NXPH2: variants seen among roughly 807,000 people sequenced by gnomAD.
The protein encoded by NXPH2 is neurexophilin 2.
NXPH2 carries 5 observed loss-of-function variants against 19.8 expected under a neutral mutation model. The observed-to-expected ratio is 0.25, with a 90% CI of 0.13 to 0.53. The LOEUF is 0.53. Among genes scored for constraint, NXPH2 ranks in the 20% least tolerant of loss-of-function variants. NXPH2 has a pLI of 0.96. For missense variants in NXPH2, 289 were observed against 322.8 expected (o/e 0.90, Z 0.80); for synonymous variants, 154 against 127.4 (o/e 1.21, Z -1.41).
intron 1 of NXPH2, among the ~76,000 whole-genome samples, chr2:138,751,036 C>A (rs1295832651): frequency 1.3e-5 from 2 of 150,582 alleles, no homozygotes; most frequent in Non-Finnish European, 3.0e-5. Flanking sequence ...CCACCCCCAC[C>A]CCCATCTCTT....
chr2:138,765,684 T>C (rs1044860231), intron 1 of NXPH2, among the ~76,000 whole-genome samples: 2 of 151,996 alleles, frequency 1.3e-5, no homozygotes, highest in African/African-American at 2.4e-5. Flanking sequence ...CTGTAAGCTG[T>C]TTTTTATCTC....
chr2:138,759,851 T>A (rs1448993671), intron 1 of NXPH2, among the ~76,000 whole-genome samples: 1 of 150,436 alleles, frequency 6.6e-6, no homozygotes, highest in Admixed American at 6.7e-5. Flanking sequence ...TGCCTCAGCC[T>A]CCCGCTTAGC....
intron 1 of NXPH2, among the ~76,000 whole-genome samples, chr2:138,766,396 G>GTT (rs1180054034): frequency 6.6e-6 from 1 of 152,176 alleles, no homozygotes; most frequent in Non-Finnish European, 1.5e-5. Context: ...CAACTGGGCT[G>GTT]TTTTTGCTCC....
intron 1 of NXPH2, among the ~76,000 whole-genome samples, chr2:138,765,458 C>G (rs1300834724): frequency 6.6e-6 from 1 of 152,166 alleles, no homozygotes; most frequent in Non-Finnish European, 1.5e-5. Flanking sequence ...TAACATGCAA[C>G]TCTCATAGGG....
At chr2:138,692,868 T>C (rs1034864308) in intron 1 of NXPH2, among the ~76,000 whole-genome samples, 4 of 152,190 alleles carry the variant, frequency 2.6e-5, no homozygotes, top group African/African-American at 9.7e-5. Context: ...ATTCTTATAC[T>C]CTGTCTCGAA....
chr2:138,700,964 G>T (rs1680912728), intron 1 of NXPH2, among the ~76,000 whole-genome samples: 1 of 152,078 alleles, frequency 6.6e-6, no homozygotes, highest in African/African-American at 2.4e-5. Flanking sequence ...TGAAAGAGAT[G>T]TAGAGAACGG....
At chr2:138,752,531 T>C (rs940595498) in intron 1 of NXPH2, among the ~76,000 whole-genome samples, 1 of 152,182 alleles carries the variant, frequency 6.6e-6, no homozygotes, top group African/African-American at 2.4e-5. Context: ...AGTTCCCATA[T>C]ACATCACACC....
intron 1 of NXPH2, among the ~76,000 whole-genome samples, chr2:138,680,246 A>G (rs1680552873): frequency 6.6e-6 from 1 of 152,166 alleles, no homozygotes; most frequent in South Asian, 2.1e-4. Flanking sequence ...AAATGGTGAA[A>G]AGCACAAGAT....
intron 1 of NXPH2, among the ~76,000 whole-genome samples, chr2:138,722,474 G>A (rs1681297289): frequency 6.6e-6 from 1 of 152,202 alleles, no homozygotes; most frequent in Non-Finnish European, 1.5e-5. Context: ...CAAGCGTCCA[G>A]GCCAGGATCT....
chr2:138,761,704 A>G (rs1001291344), intron 1 of NXPH2, among the ~76,000 whole-genome samples: 1 of 152,236 alleles, frequency 6.6e-6, no homozygotes, highest in Non-Finnish European at 1.5e-5. Flanking sequence ...GTTCACTAAA[A>G]TAAAGTTGGG....
At chr2:138,728,766 A>G (rs955312156) in intron 1 of NXPH2, among the ~76,000 whole-genome samples, 1 of 152,246 alleles carries the variant, frequency 6.6e-6, no homozygotes, top group African/African-American at 2.4e-5. Flanking sequence ...TATGCATAAT[A>G]AATAAAGCAA....
rs568489104 is a variant in NXPH2 at position 138,702,521 on chromosome 2, C to T, written c.52-30856G>A. 2.0e-5 allele frequency among the ~76,000 whole-genome samples: 3 copies of T among 152,278 alleles called. 1 individual carries two copies. The highest frequency in any genetic ancestry group is 6.8e-3 in the Middle Eastern group (2 of 294). The stretch of plus-strand genomic sequence containing the variant: ...TCTCACCTCATGGCTTCCACCCCTA[C>T]CCAACCACTATCAGAAGAAACTACA... On this transcript the variant is annotated intron_variant, in intron 1 of 1. Transcript: ENST00000272641.
chr2:138,778,783 A>G (rs1225562950), intron 1 of NXPH2, among the ~76,000 whole-genome samples: 1 of 152,248 alleles, frequency 6.6e-6, no homozygotes, highest in Non-Finnish European at 1.5e-5. Context: ...TTTTGGATTC[A>G]TAATGCCTAA....
In NXPH2 at chr2:138,671,126, C is replaced by G. The variant is rs754687148; in HGVS notation, c.591G>C (p.Ala197=). Residue 197 remains alanine, a synonymous_variant, in exon 2 of 2, where the codon GCG becomes GCC. Transcript: ENST00000272641. ...CRIEYEKTDR[A]KKTALCNFDP... Reference sequence around the variant, plus strand: ...CAAAGTTGCACAGGGCGGTCTTTTTCGCCCGATCTGTTTTTTCATACTCAA... The same window carrying G: ...CAAAGTTGCACAGGGCGGTCTTTTTGGCCCGATCTGTTTTTTCATACTCAA... The G allele has an allele frequency of 1.2e-5, 20 of 1,613,798 alleles. No homozygotes were observed. The highest frequency in any genetic ancestry group is 1.7e-5 in the Non-Finnish European group (20 of 1,179,850).
intron 1 of NXPH2, among the ~76,000 whole-genome samples, chr2:138,711,067 A>T (rs541754225): frequency 5.3e-5 from 8 of 151,062 alleles, no homozygotes; most frequent in African/African-American, 1.7e-4. Flanking sequence ...GCACCATTCT[A>T]TTTAAAAATC....
chr2:138,775,023 T>A (rs1437070807), intron 1 of NXPH2, among the ~76,000 whole-genome samples: 1 of 152,206 alleles, frequency 6.6e-6, no homozygotes, highest in Admixed American at 6.5e-5. Flanking sequence ...ATGTCTCATT[T>A]CTCTTACCAT....
chr2:138,748,124 C>T (rs1236055076), intron 1 of NXPH2, among the ~76,000 whole-genome samples: 1 of 152,148 alleles, frequency 6.6e-6, no homozygotes, highest in East Asian at 1.9e-4. Flanking sequence ...CAGTGTTTCA[C>T]GATGTTGTCA....
At chr2:138,771,628 A>T (rs1682178713) in intron 1 of NXPH2, among the ~76,000 whole-genome samples, 1 of 152,192 alleles carries the variant, frequency 6.6e-6, no homozygotes, top group African/African-American at 2.4e-5. Flanking sequence ...ATGGGAAAAA[A>T]GTCATGGAAG....
rs111747895 is a variant in NXPH2, at chr2:138,733,052, G to A, written c.51+47139C>T. Among the ~76,000 whole-genome samples the A allele has an allele frequency of 4.7e-3, 719 of 152,208 alleles. 7 individuals carry two copies. Among genetic ancestry groups the A allele is most frequent in the African/African-American group, 0.013 (545 of 41,528 alleles). On this transcript the variant is annotated intron_variant, in intron 1 of 1. Coordinates refer to ENST00000272641, the MANE Select transcript of NXPH2 (RefSeq NM_007226.3). The stretch of plus-strand genomic sequence containing the variant: ...TTTGACATGCACAAATCCTTCAAAT[G>A]CCTTATATAGCTCTTTGTTTCTGAA...
Sources: gnomAD v4.1 joint callset for allele counts (sites outside exome capture counted in the v4.1 genomes callset) on GRCh38, gnomAD v4.1.1 for gene constraint, MANE v1.5 for transcripts, NCBI Gene and HGNC (gene_info 2026-07-23, HGNC 2026-07-21) for gene names.